The following TMEM131 variants were observed in gnomAD, a reference collection of about 807,000 sequenced individuals.
The protein encoded by TMEM131 is 2610524E03Rik.
A neutral mutation model predicts 211.6 loss-of-function variants in TMEM131; 66 were observed. That is an observed-to-expected ratio of 0.31 (90% confidence interval 0.26 to 0.38). The LOEUF (loss-of-function observed/expected upper bound fraction) is 0.38. Ranked by LOEUF, TMEM131 falls within the 10% of genes least tolerant of loss-of-function variation. The pLI is 1.00. For synonymous variants in TMEM131, 844 were observed against 841.3 expected, an observed-to-expected ratio of 1.00 and a Z score of -0.06; for missense variants, 2,036 against 2,299.3, an observed-to-expected ratio of 0.89 and a Z score of 2.34.
At chr2:97,926,640 A>G (rs532625503) in intron 2 of TMEM131, among the ~76,000 whole-genome samples, 1 of 152,262 alleles carries the variant, frequency 6.6e-6, no homozygotes, top group South Asian at 2.1e-4. Context: ...GAATTCTGAG[A>G]TCTCACCCAA....
At chr2:97,935,927 GCA>G (rs1677423574) in intron 1 of TMEM131, among the ~76,000 whole-genome samples, 1 of 152,166 alleles carries the variant, frequency 6.6e-6, no homozygotes, top group East Asian at 1.9e-4. Flanking sequence ...CTCTGTGACA[GCA>G]CTATAACCAA....
intron 1 of TMEM131, among the ~76,000 whole-genome samples, chr2:97,948,663 A>T (rs556646631): frequency 1.7e-3 from 249 of 145,200 alleles, no homozygotes; most frequent in Non-Finnish European, 1.3e-3. Context: ...TTTTTTTTTT[A>T]TTTATTTTTT....
Position 97,927,458 on chromosome 2 carries a change from C to T in TMEM131, c.217G>A (p.Val73Ile). ...AGCCCTCCATCATCAAAACGCAGTA[C>T]TTCTATTATGCTCTCTGACTGAACG... ...AFVQSESIIE[V>I]LRFDDGGLLQ... The change falls in exon 2 of 41, where the codon GTA becomes ATA. Residue 73 changes from valine to isoleucine, a missense_variant. Val to Ile is a conservative substitution (Grantham distance 29). This residue lies in a region of TMEM131 where 136 missense variants were observed against 115.4 expected (regional missense o/e 1.18). Coordinates refer to ENST00000186436, the MANE Select transcript of TMEM131 (RefSeq NM_015348.2). The T allele has an allele frequency of 6.3e-7, 1 of 1,592,624 alleles. No homozygotes were observed.
intron 1 of TMEM131, among the ~76,000 whole-genome samples, chr2:97,956,449 C>T (rs1347146523): frequency 6.6e-6 from 1 of 151,886 alleles, no homozygotes; most frequent in African/African-American, 2.4e-5. Context: ...TGGTATTGAT[C>T]TCCTATTACT....
At chr2:97,985,753 G>A (rs1164688262) in intron 1 of TMEM131, among the ~76,000 whole-genome samples, 1 of 151,816 alleles carries the variant, frequency 6.6e-6, no homozygotes, top group Non-Finnish European at 1.5e-5. Flanking sequence ...TTGAATGAAA[G>A]GAAATACTGT....
chr2:97,842,922 T>C (rs1347346948), intron 6 of TMEM131, among the ~76,000 whole-genome samples: 1 of 152,178 alleles, frequency 6.6e-6, no homozygotes, highest in Non-Finnish European at 1.5e-5. Context: ...AACAGCGTAC[T>C]GAATGCCTAC....
intron 8 of TMEM131, 96 bp downstream of exon 8, chr2:97,836,981 T>C: frequency 1.1e-6 from 1 of 920,196 alleles, no homozygotes; most frequent in East Asian, 2.6e-5. Context: ...AAGTCATCCA[T>C]ATTTGTTAAG....
At chr2:97,947,195 T>G (rs4851662) in intron 1 of TMEM131, among the ~76,000 whole-genome samples, 1 of 151,916 alleles carries the variant, frequency 6.6e-6, no homozygotes, top group Non-Finnish European at 1.5e-5. Flanking sequence ...AACATCATAG[T>G]GAAAGAATAA....
At chr2:97,800,680 C>A (rs376698671) in intron 25 of TMEM131, among the ~76,000 whole-genome samples, 2 of 151,808 alleles carry the variant, frequency 1.3e-5, no homozygotes, top group Non-Finnish European at 2.9e-5. Context: ...TTGCACAAAC[C>A]CGGGCAGCAG....
At chr2:97,851,355 T>G (rs892408055) in intron 5 of TMEM131, among the ~76,000 whole-genome samples, 2 of 152,164 alleles carry the variant, frequency 1.3e-5, no homozygotes, top group Admixed American at 1.3e-4. Context: ...ACTCTGTCCT[T>G]CTAGTTGCTC....
chr2:97,864,814 C>T (rs142349993), intron 4 of TMEM131, among the ~76,000 whole-genome samples: 215 of 152,278 alleles, frequency 1.4e-3, no homozygotes, highest in Non-Finnish European at 1.7e-3. Flanking sequence ...AGAAGGCTTC[C>T]GAACTTTATT....
chr2:97,958,976 G>A (rs981584361), intron 1 of TMEM131, among the ~76,000 whole-genome samples: 2 of 152,210 alleles, frequency 1.3e-5, no homozygotes, highest in Non-Finnish European at 2.9e-5. Flanking sequence ...TGGAAGCCAA[G>A]AAAGGGCTCA....
chr2:97,893,390 C>A (rs1367003542), intron 3 of TMEM131, among the ~76,000 whole-genome samples: 1 of 152,124 alleles, frequency 6.6e-6, no homozygotes, highest in Non-Finnish European at 1.5e-5. Context: ...GATTTATAGT[C>A]CTTTGGGTAT....
chr2:97,885,124 A>C (rs1675091109), intron 4 of TMEM131, among the ~76,000 whole-genome samples: 1 of 152,132 alleles, frequency 6.6e-6, no homozygotes, highest in Non-Finnish European at 1.5e-5. Flanking sequence ...TCATTTCCAG[A>C]TATAAGAGTC....
intron 1 of TMEM131, among the ~76,000 whole-genome samples, chr2:97,933,277 A>C (rs1677308839): frequency 6.6e-6 from 1 of 152,226 alleles, no homozygotes; most frequent in African/African-American, 2.4e-5. Flanking sequence ...ACATAATGAA[A>C]TATTATTCAG....
chr2:97,871,951 T>C (rs1298190485), intron 4 of TMEM131, among the ~76,000 whole-genome samples: 1 of 103,916 alleles, frequency 9.6e-6, no homozygotes, highest in Non-Finnish European at 1.9e-5. Flanking sequence ...GGGGGGGGAG[T>C]GGAGAATGGG....
intron 32 of TMEM131, 135 bp from the exon 33 acceptor site, chr2:97,772,559 C>CA (rs1679517791): frequency 6.5e-6 from 7 of 1,071,968 alleles, no homozygotes; most frequent in Non-Finnish European, 9.1e-6. Flanking sequence ...CTCGTTTCTT[C>CA]AAATCTGTCT....
chr2:97,901,707 C>G (rs1675859922), intron 3 of TMEM131, among the ~76,000 whole-genome samples: 1 of 152,072 alleles, frequency 6.6e-6, no homozygotes, highest in Non-Finnish European at 1.5e-5. Context: ...CATGTTCTGA[C>G]TTATAGAAGG....
At chr2:97,962,914 T>C (rs578003968) in intron 1 of TMEM131, among the ~76,000 whole-genome samples, 36 of 152,212 alleles carry the variant, frequency 2.4e-4, no homozygotes, top group Admixed American at 5.2e-4. Context: ...AGACTGCATG[T>C]AGTATGATTC....
Sources: allele counts gnomAD v4.1 joint callset (sites outside exome capture counted in the v4.1 genomes callset), GRCh38; gene constraint gnomAD v4.1.1; regional missense constraint gnomAD v4.1.1; transcripts MANE v1.5; gene names NCBI Gene and HGNC (gene_info 2026-07-23, HGNC 2026-07-21).